Variants in PDCD4 observed in about 807,000 individuals in gnomAD.
The protein encoded by PDCD4 is programmed cell death 4, also known as programmed cell death protein 4.
In PDCD4, 56 loss-of-function variants were observed where a neutral mutation model predicts 54.0. That is an observed-to-expected ratio of 1.04 (90% CI 0.84 to 1.30). The LOEUF is 1.30. Among genes scored for constraint, PDCD4 ranks in the 50% most tolerant of loss-of-function variants. The pLI, the probability that PDCD4 is intolerant of heterozygous loss-of-function variation, is 0.00. For missense variants in PDCD4, 584 were observed against 559.8 expected (o/e 1.04, Z -0.44); for synonymous variants, 186 against 194.8 (o/e 0.95, Z 0.37).
At chr10:110,875,010 T>C (rs762738639) in intron 1 of PDCD4, among the ~76,000 whole-genome samples, 3 of 152,158 alleles carry the variant, frequency 2.0e-5, no homozygotes, top group African/African-American at 4.8e-5. Context: ...GAAGGACTTA[T>C]ATCCAACCTA....
rs544209088 is a variant in PDCD4 at position 110,889,603 on chromosome 10, A to G, written c.848A>G (p.Lys283Arg). 8 of 1,600,666 alleles carry G rather than the reference A, an allele frequency of 5.0e-6. No individual in the cohort carries two copies. In the East Asian group the frequency reaches 1.8e-4, roughly 36 times the overall value. The change falls in exon 7 of 12, where the codon AAA (lysine) becomes AGA (arginine). Residue 283 changes from lysine to arginine, a missense_variant. Physicochemically the swap from Lys to Arg is conservative, Grantham distance 26 (BLOSUM62 2). Transcript: ENST00000280154. ...TGTAATACCTATATTGATAGTTACA[A>G]AGGAACTGTAGATTGTGTGCAGGCT... ...ILCNTYIDSY[K>R]GTVDCVQARA...
chr10:110,881,507 T>C lies in PDCD4; in HGVS notation c.318T>C (p.Ser106=), dbSNP rs1372054154. The change falls in exon 3 of 12, where the codon TCT becomes TCC. Residue 106 remains serine, a synonymous_variant. Transcript: ENST00000280154. ...GGTTGCTGGATAGGCGATCCAGATC[T>C]GGGAAAGGAAGGGGACTACCAAAGA... The part of the protein sequence containing the change: ...KGRLLDRRSR[S]GKGRGLPKKG... 3.1e-6 allele frequency: 5 copies of C among 1,612,428 alleles called. No individual in the cohort carries two copies. The Admixed American group carries it at 8.3e-5, about 27-fold the overall frequency.
Position 110,894,121 on chromosome 10 carries a change from T to A in PDCD4, c.1021T>A (p.Ser341Thr), listed in dbSNP as rs140003204. Residue 341 changes from serine (S) to threonine (T), a missense_variant, in exon 9 of 12, where the codon TCT becomes ACT. Transcript: ENST00000280154. ...IDMLLKEYLL[S>T]GDISEAEHCL... is the part of the protein sequence containing the mutation. ...TATGCTGCTGAAAGAATATTTACTC[T>A]CTGGAGACATATCTGAAGCTGAACA... 1 of 1,606,998 alleles carries A rather than the reference T, an allele frequency of 6.2e-7. No homozygotes were observed. The highest frequency in any genetic ancestry group is 1.7e-4 in the Middle Eastern group (1 of 6,048).
chr10:110,885,506 G>T (rs1472551501), intron 5 of PDCD4, 140 bp downstream of exon 5: 2 of 474,460 alleles, frequency 4.2e-6, no homozygotes, highest in Non-Finnish European at 7.5e-6. Flanking sequence ...CTAAGAAATG[G>T]AATAAAATCT....
intron 8 of PDCD4, among the ~76,000 whole-genome samples, chr10:110,892,617 T>C (rs934739720): frequency 1.9e-4 from 29 of 152,312 alleles, no homozygotes; most frequent in African/African-American, 6.5e-4. Flanking sequence ...TTTTGGTCAG[T>C]GATGGACTGT....
In PDCD4 at chr10:110,896,014, C is replaced by T; in HGVS notation, c.1276C>T (p.Leu426=). The T allele has an allele frequency of 6.2e-7, 1 of 1,609,440 alleles. No individual in the cohort carries two copies. Residue 426 remains leucine (L), a synonymous_variant, in exon 11 of 12, where the codon CTG becomes TTG. Coordinates refer to ENST00000280154, the MANE Select transcript of PDCD4 (RefSeq NM_014456.5). Reference sequence around the variant, plus strand: ...GGATGTCCCACATTCATACTCTGTGCTGGAGCGGTTTGTAGAAGAATGTTT... The same window carrying T: ...GGATGTCCCACATTCATACTCTGTGTTGGAGCGGTTTGTAGAAGAATGTTT... The part of the protein sequence containing the change: ...NLDVPHSYSV[L]ERFVEECFQA...
chr10:110,893,096 A>T (rs1181353132), intron 8 of PDCD4, among the ~76,000 whole-genome samples: 1 of 152,006 alleles, frequency 6.6e-6, no homozygotes, highest in Non-Finnish European at 1.5e-5. Context: ...AGTATACTCT[A>T]TGATGTTTGC....
At chr10:110,890,134 G>T (rs1178262177) in intron 7 of PDCD4, among the ~76,000 whole-genome samples, 1 of 152,170 alleles carries the variant, frequency 6.6e-6, no homozygotes, top group Non-Finnish European at 1.5e-5. Context: ...TATGCTATTT[G>T]ATTTTTCTTA....
At chr10:110,873,392 C>G (rs763703680) in intron 1 of PDCD4, among the ~76,000 whole-genome samples, 2 of 152,176 alleles carry the variant, frequency 1.3e-5, no homozygotes, top group Non-Finnish European at 2.9e-5. Context: ...GCTTGACTCC[C>G]CAAAATGCCA....
At chr10:110,885,397 T>A in intron 5 of PDCD4, 31 bp downstream of exon 5, 2 of 995,010 alleles carry the variant, frequency 2.0e-6, no homozygotes, top group Non-Finnish European at 3.2e-6. Flanking sequence ...ATAATTTATT[T>A]AATATAGGAG....
At chr10:110,890,741 G>A in intron 8 of PDCD4, 71 bp downstream of exon 8, 1 of 921,990 alleles carries the variant, frequency 1.1e-6, no homozygotes. Context: ...GTGGCTACTA[G>A]CTGGTATTTT....
chr10:110,890,082 TTAA>T (rs1395345355), intron 7 of PDCD4, among the ~76,000 whole-genome samples: 1 of 152,244 alleles, frequency 6.6e-6, no homozygotes, highest in Non-Finnish European at 1.5e-5. Context: ...TTTAGTATAA[TTAA>T]TATGATATTT....
At chr10:110,884,259 G>A (rs192381051) in intron 4 of PDCD4, among the ~76,000 whole-genome samples, 7 of 152,268 alleles carry the variant, frequency 4.6e-5, no homozygotes, top group African/African-American at 9.6e-5. Context: ...AGCTGTCTAG[G>A]TTATCGGATT....
At chr10:110,889,719 A>G in intron 7 of PDCD4, 89 bp downstream of exon 7, 1 of 753,914 alleles carries the variant, frequency 1.3e-6, no homozygotes, top group Non-Finnish European at 2.4e-6. Flanking sequence ...TTAATCAGAC[A>G]CTCTGTACAT....
chr10:110,897,907 A>T, intron 11 of PDCD4, 121 bp from the exon 12 acceptor site: 4 of 516,628 alleles, frequency 7.7e-6, no homozygotes, highest in South Asian at 4.1e-5. Context: ...TTTTTTTTTT[A>T]ATGGAAAACC....
intron 5 of PDCD4, among the ~76,000 whole-genome samples, chr10:110,885,661 A>C (rs1845660090): frequency 6.6e-6 from 1 of 151,866 alleles, no homozygotes; most frequent in South Asian, 2.1e-4. Context: ...TTTATAATTT[A>C]TAAAATATAA....
In PDCD4 at chr10:110,885,381, G is replaced by T. The variant is rs1203895358; in HGVS notation, c.555+15G>T. 1 of 1,190,858 alleles carries T rather than the reference G, an allele frequency of 8.4e-7. No individual in the cohort carries two copies. The highest frequency in any genetic ancestry group is 2.4e-5 in the East Asian group (1 of 41,384). The allele number at this position is 1,190,858 out of a possible 1,614,324, so 73.8% of individuals were successfully genotyped here. ...ATGAAGTTGCGGTAGGTTTAAAGTTGCAAGTATAATTTATTTAATATAGGA... is the reference window on the plus strand; with the variant it reads ...ATGAAGTTGCGGTAGGTTTAAAGTTTCAAGTATAATTTATTTAATATAGGA... On this transcript the variant is annotated intron_variant, in intron 5 of 11. Coordinates refer to ENST00000280154, the MANE Select transcript of PDCD4 (RefSeq NM_014456.5).
At chr10:110,893,967 A>G in intron 8 of PDCD4, 124 bp from the exon 9 acceptor site, 1 of 590,906 alleles carries the variant, frequency 1.7e-6, no homozygotes, top group Non-Finnish European at 3.1e-6. Flanking sequence ...TCCAATGTAT[A>G]TGTTATTAGC....
At chr10:110,892,831 T>C (rs1845776264) in intron 8 of PDCD4, among the ~76,000 whole-genome samples, 1 of 152,202 alleles carries the variant, frequency 6.6e-6, no homozygotes, top group Non-Finnish European at 1.5e-5. Flanking sequence ...CACTCACTCA[T>C]TGAATCACCC....
Sources: gnomAD v4.1 joint callset for allele counts (sites outside exome capture counted in the v4.1 genomes callset) on GRCh38, gnomAD v4.1.1 for gene constraint, MANE v1.5 for transcripts, NCBI Gene and HGNC (gene_info 2026-07-23, HGNC 2026-07-21) for gene names.